Variants in NOL9 observed in about 807,000 individuals in gnomAD.
NOL9 encodes polynucleotide 5'-hydroxyl-kinase NOL9.
Under a neutral mutation model 67.9 loss-of-function variants are expected in NOL9, and 28 were observed. That is an observed-to-expected ratio of 0.41 (90% confidence interval 0.31 to 0.57). NOL9 has a LOEUF of 0.57. Ranked by LOEUF, NOL9 falls within the 20% of genes least tolerant of loss-of-function variation. The pLI, the probability that NOL9 is intolerant of heterozygous loss-of-function variation, is 0.25. For synonymous variants in NOL9, 356 were observed against 352.2 expected (o/e 1.01, Z -0.12); for missense variants, 777 against 897.0 (o/e 0.87, Z 1.71).
intron 2 of NOL9, among the ~76,000 whole-genome samples, 190 bp from the exon 3 acceptor site, chr1:6,549,888 CATA>C (rs980675884): frequency 2.0e-4 from 30 of 152,208 alleles, no homozygotes; most frequent in African/African-American, 7.0e-4. Flanking sequence ...AGGTTTGCCA[CATA>C]ATAATTCTGT....
rs1638770037 is a variant in NOL9, at chr1:6,521,488, T to C, written c.*4366A>G. ...GACACCTCACAGTGTCAGTGATTAC[T>C]ATGTGGTGGTGGGCTGGAGGATCAT... On this transcript the variant is annotated 3_prime_UTR_variant, in exon 12 of 12. Transcript: ENST00000377705. The C allele has an allele frequency of 6.6e-6, 1 of 152,074 alleles. No individual in the cohort carries two copies. Among genetic ancestry groups the C allele is most frequent in the Non-Finnish European group, 1.5e-5 (1 of 68,032 alleles). 9.4% of individuals were successfully genotyped at this position (152,074 alleles called of 1,614,324 possible).
At chr1:6,538,909 C>T (rs918627409) in intron 6 of NOL9, among the ~76,000 whole-genome samples, 3 of 152,090 alleles carry the variant, frequency 2.0e-5, no homozygotes, top group Non-Finnish European at 2.9e-5. Flanking sequence ...GAGGTGGAGG[C>T]TGTAGTGAGC....
intron 9 of NOL9, among the ~76,000 whole-genome samples, chr1:6,530,992 T>C (rs779735821): frequency 6.6e-6 from 1 of 152,194 alleles, no homozygotes; most frequent in Non-Finnish European, 1.5e-5. Context: ...ATGGGGATAA[T>C]AACAGGACCA....
intron 6 of NOL9, among the ~76,000 whole-genome samples, chr1:6,534,261 A>T (rs1639099187): frequency 6.6e-6 from 1 of 152,212 alleles, no homozygotes; most frequent in Admixed American, 6.5e-5. Flanking sequence ...ATTGGGAAAG[A>T]GATCAACTTG....
intron 3 of NOL9, chr1:6,548,050 T>G: frequency 3.8e-6 from 1 of 261,982 alleles, no homozygotes; most frequent in African/African-American, 2.3e-5. Context: ...TGTTTGTCTC[T>G]GTACCAAGAA....
intron 3 of NOL9, chr1:6,548,590 G>A (rs1159888043): frequency 7.8e-6 from 3 of 385,534 alleles, no homozygotes; most frequent in South Asian, 2.2e-5. Context: ...TAAAAGTGCT[G>A]AAGGCACAAG....
At chr1:6,538,596 C>T (rs536818755) in intron 6 of NOL9, among the ~76,000 whole-genome samples, 55 of 152,074 alleles carry the variant, frequency 3.6e-4, no homozygotes, top group Admixed American at 2.5e-3. Flanking sequence ...CACTTGAACC[C>T]AGGAAGCGGA....
chr1:6,554,263 G>C lies in NOL9; in HGVS notation c.240C>G (p.Thr80=), dbSNP rs779947942. ...GGCTAGGGATCGGGCTGGGGGTCGC[G>C]GTGTTGGGTCTCCGGGCCGCCGCCG... ...SRAAAARRPN[T]ATPSPIPSPT... is the part of the protein sequence containing the mutation. Residue 80 remains threonine (T), a synonymous_variant, in exon 1 of 12, where the codon ACC becomes ACG. Coordinates refer to ENST00000377705, the MANE Select transcript of NOL9 (RefSeq NM_024654.5). 5 of 1,484,010 alleles carry C rather than the reference G, an allele frequency of 3.4e-6. No homozygotes were observed. The South Asian group carries it at 6.6e-5, about 19-fold the overall frequency. The allele number at this position is 1,484,010 out of a possible 1,614,324, so 91.9% of individuals were successfully genotyped here.
At chr1:6,538,445 G>T (rs926042933) in intron 6 of NOL9, among the ~76,000 whole-genome samples, 5 of 152,200 alleles carry the variant, frequency 3.3e-5, no homozygotes, top group African/African-American at 1.2e-4. Context: ...GGCCAAGCAG[G>T]TGGATCACCT....
intron 6 of NOL9, among the ~76,000 whole-genome samples, chr1:6,534,641 T>C (rs1462365701): frequency 6.6e-6 from 1 of 152,136 alleles, no homozygotes; most frequent in Admixed American, 6.6e-5. Flanking sequence ...TGAGCAAATA[T>C]GCAAATATAT....
chr1:6,553,170 T>C (rs1016518428), intron 1 of NOL9, among the ~76,000 whole-genome samples: 2 of 152,216 alleles, frequency 1.3e-5, no homozygotes, highest in Non-Finnish European at 2.9e-5. Flanking sequence ...GAAAGCATGG[T>C]GACCGTGAAC....
In NOL9 at chr1:6,523,014, A is replaced by G. The variant is rs2148645259; in HGVS notation, c.*2840T>C. The G allele has an allele frequency of 6.6e-6, 1 of 151,922 alleles. No individual in the cohort carries two copies. Among genetic ancestry groups the G allele is most frequent in the East Asian group, 1.9e-4 (1 of 5,160 alleles). 9.4% of individuals were successfully genotyped at this position (151,922 alleles called of 1,614,324 possible). On this transcript the variant is annotated 3_prime_UTR_variant, in exon 12 of 12. Transcript: ENST00000377705. ...TATCTCTACTAAAAATATAAAAATT[A>G]GCCAGGCATGGTGGCGCTCACCTGT...
At position 6,541,867 on chromosome 1, in the gene NOL9, A is replaced by G; in HGVS notation, c.1038T>C (p.Gly346=). Residue 346 remains glycine, a synonymous_variant, in exon 6 of 12, where the codon GGT becomes GGC. Coordinates refer to ENST00000377705, the MANE Select transcript of NOL9 (RefSeq NM_024654.5). ...CTGTAATATTAAGCAAAGAAATGCA[A>G]CCAGGAGGGGTAAATTCTGTCTGTC... ...DLGQTEFTPP[G]CISLLNITEP... 1 of 1,609,910 alleles carries G rather than the reference A, an allele frequency of 6.2e-7. No individual in the cohort carries two copies. The highest frequency in any genetic ancestry group is 8.5e-7 in the Non-Finnish European group (1 of 1,178,288).
intron 2 of NOL9, 123 bp downstream of exon 2, chr1:6,550,273 C>T (rs986483827): frequency 3.2e-5 from 24 of 756,962 alleles, no homozygotes; most frequent in South Asian, 9.6e-5. Flanking sequence ...CCTCATGATC[C>T]GCCCGCCTTG....
chr1:6,542,521 G>C (rs972620918), intron 5 of NOL9, among the ~76,000 whole-genome samples: 2 of 146,704 alleles, frequency 1.4e-5, no homozygotes, highest in African/African-American at 5.1e-5. Context: ...GCAGTGGCGC[G>C]ATCTTGGCTC....
intron 1 of NOL9, 82 bp downstream of exon 1, chr1:6,554,025 C>G (rs929707912): frequency 3.3e-6 from 4 of 1,194,846 alleles, no homozygotes; most frequent in East Asian, 6.1e-5. Context: ...GACCACGGTC[C>G]TCTCCTACCC....
At chr1:6,544,739 G>T in intron 5 of NOL9, 87 bp downstream of exon 5, 1 of 1,367,040 alleles carries the variant, frequency 7.3e-7, no homozygotes, top group Non-Finnish European at 1.0e-6. Context: ...CTAGCTAGAA[G>T]CCAAGAAGCA....
At chr1:6,538,565 G>A (rs141809961) in intron 6 of NOL9, among the ~76,000 whole-genome samples, 86 of 151,970 alleles carry the variant, frequency 5.7e-4, no homozygotes, top group Middle Eastern at 3.4e-3. Context: ...CCAGCTACTC[G>A]GGAGGCTGAG....
chr1:6,543,540 G>A (rs960447691), intron 5 of NOL9, among the ~76,000 whole-genome samples: 5 of 151,772 alleles, frequency 3.3e-5, no homozygotes, highest in African/African-American at 1.2e-4. Flanking sequence ...TCACTCTGTT[G>A]CCCAGGCTGG....
Sources: allele counts gnomAD v4.1 joint callset (sites outside exome capture counted in the v4.1 genomes callset), GRCh38; gene constraint gnomAD v4.1.1; transcripts MANE v1.5; gene names NCBI Gene and HGNC (gene_info 2026-07-23, HGNC 2026-07-21).